Variants in DST observed in about 807,000 individuals in gnomAD.
The protein encoded by DST is dystonin.
In DST, 253 loss-of-function variants were observed where a neutral mutation model predicts 875.2. The ratio of observed to expected loss-of-function variants is 0.29; its 90% CI spans 0.26 to 0.32. The LOEUF is 0.32. Ranked by LOEUF, DST falls within the 10% of genes least tolerant of loss-of-function variation. The pLI, the probability that DST is intolerant of heterozygous loss-of-function variation, is 1.00. For synonymous variants in DST, 3,124 were observed against 3,197.1 expected (o/e 0.98, Z 0.77); for missense variants, 8,287 against 9,111.6 (o/e 0.91, Z 3.68).
At chr6:56,468,015 T>C (rs953448893) in intron 98 of DST, among the ~76,000 whole-genome samples, 2 of 152,178 alleles carry the variant, frequency 1.3e-5, no homozygotes, top group Non-Finnish European at 2.9e-5. Context: ...ACTATTTCTA[T>C]TTTAAATAAA....
rs765073265 is a variant in DST at position 56,607,855 on chromosome 6, C to T, written c.6773G>A (p.Gly2258Asp). Residue 2258 changes from glycine to aspartate, a missense_variant, in exon 40 of 104, where the codon GGT (glycine) becomes GAT (aspartate). Gly to Asp is a moderately conservative substitution (Grantham distance 94, BLOSUM62 -1). Transcript: ENST00000680361. The part of the protein sequence containing the change: ...KECLDVLSSS[G>D]VFLNNASGRE... ...ACCTGAAGCATTATTAAGAAATACA[C>T]CAGATGAGCTTAAGACATCGAGACA... The T allele has an allele frequency of 2.2e-5, 35 of 1,613,484 alleles. No homozygotes were observed. The Middle Eastern group carries it at 6.6e-4, about 30-fold the overall frequency.
rs1443680872 is a variant in DST at position 56,494,065 on chromosome 6, A to G, written c.20339T>C (p.Ile6780Thr). 3.1e-6 allele frequency: 5 copies of G among 1,607,418 alleles called. No homozygotes were observed. The highest frequency in any genetic ancestry group is 4.2e-6 in the Non-Finnish European group (5 of 1,176,524). The change falls in exon 83 of 104, where the codon ATA (isoleucine) becomes ACA (threonine). Residue 6780 changes from isoleucine to threonine, a missense_variant. This residue lies in a region of DST where 1,292 missense variants were observed against 1,552.7 expected (regional missense o/e 0.83). Coordinates refer to ENST00000680361, the MANE Select transcript of DST (RefSeq NM_001374736.1). ...TTCCCATTTTTCTTTCAAGTTATTTATGTCTTGGTCAATATTTGTCTCTGC... is the reference window on the plus strand; with the variant it reads ...TTCCCATTTTTCTTTCAAGTTATTTGTGTCTTGGTCAATATTTGTCTCTGC... ...KSAETNIDQD[I>T]NNLKEKWESV...
chr6:56,508,399 T>C, intron 75 of DST, 130 bp downstream of exon 75: 1 of 735,102 alleles, frequency 1.4e-6, no homozygotes, highest in Non-Finnish European at 2.3e-6. Flanking sequence ...TCCTACTGTA[T>C]CACTGCACAT....
At position 56,916,511 on chromosome 6, in the gene DST, G is replaced by A. The variant is rs556652216; in HGVS notation, c.217-15890C>T. Among the ~76,000 whole-genome samples the A allele has an allele frequency of 3.9e-5, 6 of 152,242 alleles. No homozygotes were observed. The South Asian group carries it at 1.2e-3, about 32-fold the overall frequency. ...TCATGCCTGTAATCCCAGCACTTTGGGAGGCCAAGGCGAGCAGATCGCTTG... is the reference window on the plus strand; with the variant it reads ...TCATGCCTGTAATCCCAGCACTTTGAGAGGCCAAGGCGAGCAGATCGCTTG... On this transcript the variant is annotated intron_variant, in intron 2 of 103. Coordinates refer to ENST00000680361, the MANE Select transcript of DST (RefSeq NM_001374736.1).
chr6:56,902,941 TTC>T (rs139723497), intron 2 of DST, among the ~76,000 whole-genome samples: 155 of 129,064 alleles, frequency 1.2e-3, no homozygotes, highest in Middle Eastern at 3.9e-3. Context: ...CACACATTCA[TTC>T]TCTCTCTCTC....
chr6:56,746,223 C>T (rs1189123145), intron 4 of DST, among the ~76,000 whole-genome samples: 1 of 152,110 alleles, frequency 6.6e-6, no homozygotes, highest in Admixed American at 6.5e-5. Flanking sequence ...TGGCCTCAAG[C>T]AATCTTTTAG....
chr6:56,470,057 G>C (rs1297948853), intron 96 of DST, 71 bp downstream of exon 96: 1 of 1,600,426 alleles, frequency 6.2e-7, no homozygotes, highest in Non-Finnish European at 8.6e-7. Flanking sequence ...TAAAATGGTT[G>C]TATGAATTGT....
intron 2 of DST, among the ~76,000 whole-genome samples, chr6:56,916,778 T>TCTCTCTCTCTCTCACACA (rs1470233953): frequency 3.0e-4 from 27 of 91,342 alleles, no homozygotes; most frequent in African/African-American, 1.3e-3. Context: ...TCTCTCTCTC[T>TCTCTCTCTCTCTCACACA]CACACACACA....
rs566643714 is a variant in DST at position 56,872,840 on chromosome 6, T to C, written c.418-21236A>G. Among the ~76,000 whole-genome samples the C allele has an allele frequency of 5.6e-5, 8 of 142,514 alleles. 1 individual carries two copies. In the South Asian group the frequency reaches 2.1e-3, roughly 37 times the overall value. 93.5% of individuals were successfully genotyped at this position (142,514 alleles called of 152,430 possible). On this transcript the variant is annotated intron_variant, in intron 3 of 103. Transcript: ENST00000680361. ...CACTGATTCCCCCCCCCCTTTTTTT[T>C]TTTTTCGGATATATACCCAGCAGTG...
At chr6:56,570,035 G>A (rs753895712) in intron 53 of DST, 23 bp from the exon 54 acceptor site, 96 of 1,508,158 alleles carry the variant, frequency 6.4e-5, no homozygotes, top group Non-Finnish European at 8.5e-5. Context: ...AATCATACAA[G>A]AATTTAAGTC....
intron 4 of DST, among the ~76,000 whole-genome samples, chr6:56,744,269 C>T (rs1351993424): frequency 1.3e-5 from 2 of 151,376 alleles, no homozygotes; most frequent in Non-Finnish European, 2.9e-5. Flanking sequence ...AGCTGCAATG[C>T]TTCACTAAGA....
At position 56,669,367 on chromosome 6, in the gene DST, G is replaced by A. The variant is rs1403271575; in HGVS notation, c.1214+1274C>T. Among the ~76,000 whole-genome samples the A allele has an allele frequency of 2.0e-5, 3 of 150,766 alleles. No individual in the cohort carries two copies. In the East Asian group the frequency reaches 5.9e-4, roughly 30 times the overall value. On this transcript the variant is annotated intron_variant, in intron 10 of 103. Transcript: ENST00000680361. ...TCCTAGCACTTTGGGAGGCCAAGGTGAGGGGATCACCTGAGGTCAGGAGTT... is the reference window on the plus strand; with the variant it reads ...TCCTAGCACTTTGGGAGGCCAAGGTAAGGGGATCACCTGAGGTCAGGAGTT...
chr6:56,721,970 ATGGG>A (rs753976536), intron 5 of DST, among the ~76,000 whole-genome samples: 2 of 152,256 alleles, frequency 1.3e-5, no homozygotes, highest in Non-Finnish European at 2.9e-5. Flanking sequence ...ACATAAATGA[ATGGG>A]TGTGGCTGGG....
At chr6:56,591,636 G>A (rs113455924) in intron 49 of DST, among the ~76,000 whole-genome samples, 7,191 of 152,060 alleles carry the variant, frequency 0.047, 522 homozygotes, top group African/African-American at 0.16. Flanking sequence ...GGGGATGGAG[G>A]GGCACGTCAC....
At chr6:56,734,620 T>G (rs1181171673) in intron 5 of DST, among the ~76,000 whole-genome samples, 1 of 152,180 alleles carries the variant, frequency 6.6e-6, no homozygotes, top group Non-Finnish European at 1.5e-5. Context: ...CTCCACGAAA[T>G]TACATGCAAA....
intron 3 of DST, chr6:56,871,380 A>G: frequency 3.9e-6 from 5 of 1,270,858 alleles, no homozygotes; most frequent in Non-Finnish European, 5.8e-6. Context: ...CCAACGTTAC[A>G]ATGCTGGAGT....
chr6:56,767,674 G>A (rs2099637492), intron 4 of DST, among the ~76,000 whole-genome samples: 1 of 151,844 alleles, frequency 6.6e-6, no homozygotes, highest in South Asian at 2.1e-4. Flanking sequence ...AAGTATTAGA[G>A]GATGTTCATA....
chr6:56,508,384 C>CT (rs2096391513), intron 75 of DST, 145 bp downstream of exon 75: 1 of 677,866 alleles, frequency 1.5e-6, no homozygotes. Flanking sequence ...TGGGTATACT[C>CT]TATCTCCTAC....
intron 4 of DST, among the ~76,000 whole-genome samples, chr6:56,800,199 A>G (rs897269479): frequency 1.3e-5 from 2 of 152,194 alleles, no homozygotes; most frequent in Non-Finnish European, 2.9e-5. Flanking sequence ...AAGAAGGGGA[A>G]CTGAAACACT....
Sources: gnomAD v4.1 joint callset for allele counts (sites outside exome capture counted in the v4.1 genomes callset) on GRCh38, gnomAD v4.1.1 for gene constraint, gnomAD v4.1.1 regional missense constraint, MANE v1.5 for transcripts, NCBI Gene and HGNC (gene_info 2026-07-23, HGNC 2026-07-21) for gene names.